HRH1: variants seen among roughly 807,000 people sequenced by gnomAD.
HRH1 encodes histamine H1 receptor.
A neutral mutation model predicts 10.3 loss-of-function variants in HRH1; 6 were observed. The ratio of observed to expected loss-of-function variants is 0.58; its 90% confidence interval spans 0.32 to 1.15. The LOEUF is 1.15. Among genes scored for constraint, HRH1 ranks in the 50% most tolerant of loss-of-function variants. The pLI, the probability that HRH1 is intolerant of heterozygous loss-of-function variation, is 0.05. For synonymous variants in HRH1, 242 were observed against 236.7 expected, an observed-to-expected ratio of 1.02 and a Z score of -0.21; for missense variants, 514 against 615.3, an observed-to-expected ratio of 0.84 and a Z score of 1.74.
chr3:11,139,631 G>T (rs1936253948), intron 1 of HRH1, among the ~76,000 whole-genome samples: 1 of 151,944 alleles, frequency 6.6e-6, no homozygotes, highest in Non-Finnish European at 1.5e-5. Context: ...CTCATGAAGG[G>T]ATACACAAAT....
chr3:11,176,389 T>G (rs6442235), intron 1 of HRH1, among the ~76,000 whole-genome samples: 98,972 of 151,836 alleles, frequency 0.65, 33,337 homozygotes, highest in East Asian at 0.93. Context: ...AATCCAAAAC[T>G]CCCCCTCCCA....
intron 1 of HRH1, among the ~76,000 whole-genome samples, chr3:11,139,453 T>C (rs1277048168): frequency 6.6e-6 from 1 of 151,984 alleles, no homozygotes; most frequent in Non-Finnish European, 1.5e-5. Context: ...CTAATTTTTA[T>C]ATATTTGGTA....
chr3:11,221,764 A>T (rs1439704190), intron 1 of HRH1, among the ~76,000 whole-genome samples: 1 of 152,024 alleles, frequency 6.6e-6, no homozygotes, highest in Non-Finnish European at 1.5e-5. Context: ...TCCTTCCCGC[A>T]GCCCCCGGCA....
At chr3:11,246,575 C>T (rs370572322) in intron 1 of HRH1, among the ~76,000 whole-genome samples, 3 of 152,220 alleles carry the variant, frequency 2.0e-5, no homozygotes, top group Non-Finnish European at 4.4e-5. Flanking sequence ...ATCTCACTGA[C>T]GAGAACTATC....
In HRH1 at chr3:11,219,978, AT is replaced by A. The variant is rs531463571; in HGVS notation, c.-35-39020del. On this transcript the variant is annotated intron_variant, in intron 1 of 1. Coordinates refer to ENST00000431010, the MANE Select transcript of HRH1 (RefSeq NM_001098212.2). Reference sequence around the variant, plus strand: ...TTTTTTTTTTTTTTTTTTACAATAAATTTTTCTGAAAAAGGAAGGAAGTATT... The same window carrying A: ...TTTTTTTTTTTTTTTTTTACAATAAATTTTCTGAAAAAGGAAGGAAGTATT... Among the ~76,000 whole-genome samples the A allele has an allele frequency of 1.5e-4, 21 of 142,184 alleles. No individual in the cohort carries two copies. In the South Asian group the frequency reaches 4.5e-3, roughly 31 times the overall value. The allele number at this position is 142,184 out of a possible 152,430, so 93.3% of individuals were successfully genotyped here.
chr3:11,198,752 A>G (rs1057244802), intron 1 of HRH1, among the ~76,000 whole-genome samples: 2 of 151,476 alleles, frequency 1.3e-5, no homozygotes, highest in African/African-American at 4.9e-5. Flanking sequence ...AAAAAAAAAA[A>G]TGGGCGGACT....
intron 1 of HRH1, among the ~76,000 whole-genome samples, chr3:11,249,338 G>C (rs1575042296): frequency 6.7e-6 from 1 of 150,008 alleles, no homozygotes; most frequent in South Asian, 2.1e-4. Flanking sequence ...GGGAGGCAGA[G>C]CTTGCAGTGA....
chr3:11,239,826 C>T (rs1464062334), intron 1 of HRH1, among the ~76,000 whole-genome samples: 1 of 152,036 alleles, frequency 6.6e-6, no homozygotes, highest in African/African-American at 2.4e-5. Context: ...CCCCCCACCC[C>T]CACTTAACCC....
chr3:11,254,832 A>G (rs992955426), intron 1 of HRH1, among the ~76,000 whole-genome samples: 1 of 152,228 alleles, frequency 6.6e-6, no homozygotes, highest in Non-Finnish European at 1.5e-5. Context: ...TGCTAGTCAC[A>G]ATCGCAAGAG....
rs545072378 is a variant in HRH1 at position 11,179,347 on chromosome 3, G to A, written c.-36+24793G>A. Among the ~76,000 whole-genome samples, 14 of 151,818 alleles carry A rather than the reference G, an allele frequency of 9.2e-5. 1 individual carries two copies. The South Asian group carries it at 1.9e-3, about 20-fold the overall frequency. On this transcript the variant is annotated intron_variant, in intron 1 of 1. Coordinates refer to ENST00000431010, the MANE Select transcript of HRH1 (RefSeq NM_001098212.2). Reference sequence around the variant, plus strand: ...AAAAGAAAGTCAGCCAGGGCCGGGCGCGGTGGCTCACGCCTGTAATGCTAG... The same window carrying A: ...AAAAGAAAGTCAGCCAGGGCCGGGCACGGTGGCTCACGCCTGTAATGCTAG...
intron 1 of HRH1, among the ~76,000 whole-genome samples, chr3:11,221,567 AT>A (rs1244374900): frequency 6.8e-6 from 1 of 147,984 alleles, no homozygotes; most frequent in African/African-American, 2.6e-5. Context: ...AAAAAAAAAA[AT>A]GTATATATAT....
At chr3:11,212,449 C>A (rs1938358795) in intron 1 of HRH1, among the ~76,000 whole-genome samples, 1 of 152,142 alleles carries the variant, frequency 6.6e-6, no homozygotes, top group Admixed American at 6.6e-5. Context: ...TGAGACCCAT[C>A]TGGGGCAGGC....
chr3:11,255,310 A>G (rs960380155), intron 1 of HRH1, among the ~76,000 whole-genome samples: 1 of 152,200 alleles, frequency 6.6e-6, no homozygotes, highest in Admixed American at 6.5e-5. Flanking sequence ...TCTCCCCTCT[A>G]TGTGCCAGAC....
intron 1 of HRH1, among the ~76,000 whole-genome samples, chr3:11,192,341 T>TG (rs1381562754): frequency 7.4e-6 from 1 of 134,926 alleles, no homozygotes; most frequent in African/African-American, 2.9e-5. Context: ...ACTTTTATGC[T>TG]GGTTTTTTTC....
In HRH1 at chr3:11,260,781, TAAAAG is replaced by T; in HGVS notation, c.*282_*286del. On this transcript the variant is annotated 3_prime_UTR_variant, in exon 2 of 2. Coordinates refer to ENST00000431010, the MANE Select transcript of HRH1 (RefSeq NM_001098212.2). ...TTCAAAAAGAAAAAAATAATAAAAATAAAAGAGAGAGAGAATCAGACCTGGGTGGA... is the reference window on the plus strand; with the variant it reads ...TTCAAAAAGAAAAAAATAATAAAAATAGAGAGAGAATCAGACCTGGGTGGA... The T allele has an allele frequency of 7.9e-6, 3 of 378,850 alleles. No individual in the cohort carries two copies. Among genetic ancestry groups the T allele is most frequent in the Non-Finnish European group, 1.5e-5 (3 of 202,872 alleles). 23.5% of individuals were successfully genotyped at this position (378,850 alleles called of 1,614,324 possible).
At chr3:11,213,567 A>G (rs930055841) in intron 1 of HRH1, among the ~76,000 whole-genome samples, 1 of 152,122 alleles carries the variant, frequency 6.6e-6, no homozygotes, top group Admixed American at 6.5e-5. Context: ...TTCCTCATAA[A>G]TGGTGCCATC....
intron 1 of HRH1, among the ~76,000 whole-genome samples, chr3:11,169,736 A>AAAG (rs1937117043): frequency 6.6e-6 from 1 of 152,190 alleles, no homozygotes; most frequent in Non-Finnish European, 1.5e-5. Context: ...CATCTCCATC[A>AAAG]AGACGAAGCT....
chr3:11,253,491 G>T (rs1234800152), intron 1 of HRH1, among the ~76,000 whole-genome samples: 1 of 152,212 alleles, frequency 6.6e-6, no homozygotes, highest in Admixed American at 6.5e-5. Context: ...GGGGTCTTCT[G>T]ATTCTAGGCC....
At chr3:11,173,070 G>A (rs955751296) in intron 1 of HRH1, among the ~76,000 whole-genome samples, 3 of 152,164 alleles carry the variant, frequency 2.0e-5, no homozygotes, top group African/African-American at 7.2e-5. Context: ...CCTGGATGAA[G>A]AGGTTCCCTG....
Sources: allele counts gnomAD v4.1 joint callset (sites outside exome capture counted in the v4.1 genomes callset), GRCh38; gene constraint gnomAD v4.1.1; transcripts MANE v1.5; gene names NCBI Gene and HGNC (gene_info 2026-07-23, HGNC 2026-07-21).